The following NCOA7 variants were observed in gnomAD, a reference collection of about 807,000 sequenced individuals.
NCOA7 encodes 140 kDa estrogen receptor-associated protein.
NCOA7 carries 45 observed loss-of-function variants against 104.3 expected under a neutral mutation model. The observed-to-expected ratio is 0.43, with a 90% CI of 0.34 to 0.55. The LOEUF is 0.55. Among genes scored for constraint, NCOA7 ranks in the 20% least tolerant of loss-of-function variants. NCOA7 has a pLI of 0.02. For synonymous variants in NCOA7, 398 were observed against 402.3 expected, an observed-to-expected ratio of 0.99 and a Z score of 0.13; for missense variants, 1,041 against 1,119.7, an observed-to-expected ratio of 0.93 and a Z score of 1.00.
upstream of NCOA7, among the ~76,000 whole-genome samples, chr6:125,790,011 G>C (rs541528427): frequency 1.8e-4 from 27 of 152,364 alleles, no homozygotes; most frequent in African/African-American, 6.5e-4. Context: ...CACAGGCACA[G>C]GCCCCGCAGC....
chr6:125,891,032 T>C (rs1204512044), intron 10 of NCOA7, among the ~76,000 whole-genome samples: 1 of 152,226 alleles, frequency 6.6e-6, no homozygotes, highest in Non-Finnish European at 1.5e-5. Flanking sequence ...CCTGAACTGC[T>C]TTCATAACTT....
intron 2 of NCOA7, among the ~76,000 whole-genome samples, chr6:125,818,088 ACCT>A (rs995673755): frequency 9.2e-6 from 1 of 108,916 alleles, no homozygotes; most frequent in African/African-American, 3.7e-5. Context: ...TCTTTCTCCC[ACCT>A]CCTCCTTCCT....
intron 4 of NCOA7, chr6:125,875,619 C>T (rs954739854): frequency 1.3e-5 from 2 of 152,204 alleles, no homozygotes; most frequent in African/African-American, 4.8e-5. Flanking sequence ...ATGTTCGTTA[C>T]TACCTTCTGT....
intron 3 of NCOA7, among the ~76,000 whole-genome samples, chr6:125,867,968 G>A (rs1460239423): frequency 6.6e-6 from 1 of 152,154 alleles, no homozygotes; most frequent in African/African-American, 2.4e-5. Flanking sequence ...AAGTGACATC[G>A]TGAAGTCATT....
At chr6:125,921,543 C>T (rs925826559) in intron 12 of NCOA7, among the ~76,000 whole-genome samples, 2 of 152,210 alleles carry the variant, frequency 1.3e-5, no homozygotes, top group African/African-American at 2.4e-5. Flanking sequence ...TGAAAAGTCG[C>T]ATTCCCTGCT....
At chr6:125,814,244 T>C (rs1294712052) in intron 1 of NCOA7, among the ~76,000 whole-genome samples, 1 of 152,212 alleles carries the variant, frequency 6.6e-6, no homozygotes, top group African/African-American at 2.4e-5. Context: ...AACCTCTGCC[T>C]CCTGAGTTCA....
Position 125,874,910 on chromosome 6 carries a change from A to C in NCOA7, c.293A>C (p.His98Pro), listed in dbSNP as rs759941790. The C allele has an allele frequency of 1.2e-5, 20 of 1,613,354 alleles. No individual in the cohort carries two copies. The highest frequency in any genetic ancestry group is 1.7e-5 in the Admixed American group (1 of 60,002). ...YSIDDNQNKT[H>P]DKKEKKMVVQ... ...TCAGATGACAATCAAAACAAAACAC[A>C]TGATAAAAAAGAGAAGAAGATGGTG... Residue 98 changes from histidine (H) to proline (P), a missense_variant, in exon 4 of 16, where the codon CAT becomes CCT. His to Pro is a moderately conservative substitution (Grantham distance 77). Transcript: ENST00000392477.
At chr6:125,854,035 T>C (rs934780458) in intron 2 of NCOA7, among the ~76,000 whole-genome samples, 7 of 152,126 alleles carry the variant, frequency 4.6e-5, no homozygotes, top group African/African-American at 1.7e-4. Flanking sequence ...CAACATCAAA[T>C]TGGACATATG....
chr6:125,898,416 A>G (rs1785223526), intron 10 of NCOA7, among the ~76,000 whole-genome samples: 1 of 152,258 alleles, frequency 6.6e-6, no homozygotes, highest in African/African-American at 2.4e-5. Context: ...GGAATATCAA[A>G]GAAATTAACC....
intron 3 of NCOA7, among the ~76,000 whole-genome samples, chr6:125,865,497 CTTTT>C (rs113589843): frequency 7.8e-6 from 1 of 127,750 alleles, no homozygotes; most frequent in Admixed American, 7.4e-5. Flanking sequence ...CCTGACACAT[CTTTT>C]TTTTTTTAAT....
intron 10 of NCOA7, among the ~76,000 whole-genome samples, chr6:125,914,452 G>T (rs1786874046): frequency 6.6e-6 from 1 of 152,174 alleles, no homozygotes; most frequent in East Asian, 1.9e-4. Context: ...AGAATTGTCG[G>T]TGGTATTTCT....
chr6:125,928,850 C>G lies in NCOA7; in HGVS notation c.*79C>G, dbSNP rs184688055. ...CCTAAAGCTGGCTGGAAAAAGAAGC[C>G]CCAGCCCAGCCTGCCTCATCCCACC... On this transcript the variant is annotated 3_prime_UTR_variant, in exon 16 of 16. Coordinates refer to ENST00000392477, the MANE Select transcript of NCOA7 (RefSeq NM_181782.5). 2.5e-4 allele frequency: 367 copies of G among 1,480,370 alleles called. 2 individuals are homozygous for G. The African/African-American group carries it at 5.0e-3, about 20-fold the overall frequency. The allele number at this position is 1,480,370 out of a possible 1,614,324, so 91.7% of individuals were successfully genotyped here.
intron 3 of NCOA7, among the ~76,000 whole-genome samples, chr6:125,857,792 G>A (rs1781704627): frequency 6.6e-5 from 10 of 151,950 alleles, no homozygotes; most frequent in African/African-American, 2.4e-5. Context: ...CACCATGTTG[G>A]CCAGGCTGGT....
At chr6:125,831,551 T>A (rs1269751826) in intron 2 of NCOA7, among the ~76,000 whole-genome samples, 1 of 152,112 alleles carries the variant, frequency 6.6e-6, no homozygotes, top group Non-Finnish European at 1.5e-5. Flanking sequence ...GTAATGGTAC[T>A]GCAACTCAGA....
chr6:125,849,721 C>T lies in NCOA7; in HGVS notation c.51-5299C>T, dbSNP rs926356668. Among the ~76,000 whole-genome samples the T allele has an allele frequency of 1.2e-4, 19 of 152,214 alleles. 1 individual carries two copies. Among genetic ancestry groups the T allele is most frequent in the Admixed American group, 5.2e-4 (8 of 15,290 alleles). ...AGATAGGATTAGAAGATAGAATTGA[C>T]AAGTCTTGACTACAATTTAAAACAC... On this transcript the variant is annotated intron_variant, in intron 2 of 15. Transcript: ENST00000392477.
intron 2 of NCOA7, among the ~76,000 whole-genome samples, chr6:125,830,436 C>T (rs1779068258): frequency 6.6e-6 from 1 of 152,112 alleles, no homozygotes; most frequent in South Asian, 2.1e-4. Flanking sequence ...CACCTGTAAT[C>T]CCAGCACTTT....
intron 2 of NCOA7, among the ~76,000 whole-genome samples, chr6:125,837,782 T>A (rs1414077987): frequency 6.6e-6 from 1 of 152,226 alleles, no homozygotes; most frequent in Non-Finnish European, 1.5e-5. Context: ...GCTATTATAT[T>A]TTCTCATCAT....
At chr6:125,845,044 C>T (rs1188103483) in intron 2 of NCOA7, among the ~76,000 whole-genome samples, 1 of 152,142 alleles carries the variant, frequency 6.6e-6, no homozygotes, top group Admixed American at 6.5e-5. Flanking sequence ...GGTAACTCGC[C>T]AAAGGATGTG....
At chr6:125,815,914 A>G (rs1176214970) in intron 2 of NCOA7, among the ~76,000 whole-genome samples, 1 of 152,224 alleles carries the variant, frequency 6.6e-6, no homozygotes, top group African/African-American at 2.4e-5. Flanking sequence ...AAATTTGTTG[A>G]TATCTGAATA....
Sources: gnomAD v4.1 joint callset for allele counts (sites outside exome capture counted in the v4.1 genomes callset) on GRCh38, gnomAD v4.1.1 for gene constraint, MANE v1.5 for transcripts, NCBI Gene and HGNC (gene_info 2026-07-23, HGNC 2026-07-21) for gene names.